TBC1D4: variants seen among roughly 807,000 people sequenced by gnomAD.
The protein encoded by TBC1D4 is TBC (Tre-2, BUB2, CDC16) domain-containing protein.
A neutral mutation model predicts 142.5 loss-of-function variants in TBC1D4; 121 were observed. That is an observed-to-expected ratio of 0.85 (90% confidence interval 0.73 to 0.99). The LOEUF is 0.99. Among genes scored for constraint, TBC1D4 ranks in the 50% least tolerant of loss-of-function variants. TBC1D4 has a pLI of 0.00. For missense variants in TBC1D4, 1,475 were observed against 1,606.6 expected, an observed-to-expected ratio of 0.92 and a Z score of 1.40; for synonymous variants, 630 against 628.2, an observed-to-expected ratio of 1.00 and a Z score of -0.04.
Position 75,359,783 on chromosome 13 carries a change from A to G in TBC1D4, c.1156T>C (p.Ser386Pro). ...TTGATACATACCTGAGAACAAGAGG[A>G]GATATCTTTAAAATTCTTTTCTAGC... is the stretch of plus-strand genomic sequence containing the variant. ...VVLEKNFKDI[S>P]SCSQGIKHVD... The change falls in exon 3 of 21, where the codon TCC becomes CCC. Residue 386 changes from serine to proline, a missense_variant. This residue lies in a region of TBC1D4 where 1,227 missense variants were observed against 1,267.7 expected (regional missense o/e 0.97). Coordinates refer to ENST00000377636, the MANE Select transcript of TBC1D4 (RefSeq NM_014832.5). 1 of 1,611,440 alleles carries G rather than the reference A, an allele frequency of 6.2e-7. No homozygotes were observed. Among genetic ancestry groups the G allele is most frequent in the East Asian group, 2.2e-5 (1 of 44,738 alleles).
intron 1 of TBC1D4, among the ~76,000 whole-genome samples, chr13:75,396,839 T>C (rs1380979866): frequency 6.6e-6 from 1 of 151,946 alleles, no homozygotes; most frequent in African/African-American, 2.4e-5. Flanking sequence ...CTGAAAAAAA[T>C]TATGATTAAA....
At chr13:75,359,977 C>T (rs1347561662) in intron 2 of TBC1D4, 119 bp from the exon 3 acceptor site, 1 of 833,176 alleles carries the variant, frequency 1.2e-6, no homozygotes, top group Non-Finnish European at 2.0e-6. Flanking sequence ...ATATGTATTT[C>T]ATATGTGCTT....
At chr13:75,443,514 C>T (rs1887139812) in intron 1 of TBC1D4, among the ~76,000 whole-genome samples, 1 of 152,160 alleles carries the variant, frequency 6.6e-6, no homozygotes, top group East Asian at 1.9e-4. Flanking sequence ...GATAATAAAA[C>T]ACCTATCAAA....
chr13:75,305,110 T>C (rs1877038177), intron 15 of TBC1D4, among the ~76,000 whole-genome samples: 1 of 152,204 alleles, frequency 6.6e-6, no homozygotes, highest in Non-Finnish European at 1.5e-5. Context: ...TGAAATCTGA[T>C]GGCTTGTTAA....
chr13:75,473,239 G>T (rs897838785), intron 1 of TBC1D4, among the ~76,000 whole-genome samples: 2 of 152,098 alleles, frequency 1.3e-5, no homozygotes, highest in African/African-American at 4.8e-5. Flanking sequence ...GGTCTCAAAT[G>T]ATTTGCTTGC....
chr13:75,381,332 C>T (rs149828648), intron 1 of TBC1D4, among the ~76,000 whole-genome samples: 1 of 152,294 alleles, frequency 6.6e-6, no homozygotes, highest in Non-Finnish European at 1.5e-5. Flanking sequence ...ATAACTGCCA[C>T]TCAGTCATTC....
intron 1 of TBC1D4, among the ~76,000 whole-genome samples, chr13:75,376,867 T>G (rs1304743180): frequency 1.3e-5 from 2 of 152,242 alleles, no homozygotes; most frequent in Non-Finnish European, 2.9e-5. Context: ...TTAATTTCAT[T>G]TCAGCTTACA....
chr13:75,364,553 T>A (rs1273367234), intron 1 of TBC1D4, among the ~76,000 whole-genome samples: 1 of 152,228 alleles, frequency 6.6e-6, no homozygotes, highest in East Asian at 1.9e-4. Context: ...ACTAGCAACC[T>A]CAACCCTTCA....
intron 5 of TBC1D4, among the ~76,000 whole-genome samples, chr13:75,348,202 C>T (rs1038713455): frequency 7.9e-5 from 12 of 152,116 alleles, no homozygotes; most frequent in African/African-American, 2.2e-4. Context: ...AAACATTCAA[C>T]GAATACTGTT....
At position 75,300,790 on chromosome 13, in the gene TBC1D4, T is replaced by G. The variant is rs919546193; in HGVS notation, c.2912-1216A>C. On this transcript the variant is annotated intron_variant, in intron 16 of 20. Transcript: ENST00000377636. The stretch of plus-strand genomic sequence containing the variant: ...ATAGGACATCGTGACTAACCCTGAT[T>G]GTATCATCAATTTATGGTCAGAGAA... Among the ~76,000 whole-genome samples, 6 of 152,202 alleles carry G rather than the reference T, an allele frequency of 3.9e-5. No individual in the cohort carries two copies. In the East Asian group the frequency reaches 5.8e-4, roughly 15 times the overall value.
At chr13:75,382,615 T>G (rs549862090) in intron 1 of TBC1D4, among the ~76,000 whole-genome samples, 2 of 152,224 alleles carry the variant, frequency 1.3e-5, no homozygotes, top group Non-Finnish European at 2.9e-5. Context: ...TGGAAAACTT[T>G]AAAGTATGAC....
intron 8 of TBC1D4, 122 bp from the exon 9 acceptor site, chr13:75,327,948 T>A: frequency 1.0e-6 from 1 of 982,058 alleles, no homozygotes. Flanking sequence ...GTGGTTCACT[T>A]AAATTTGTTG....
intron 1 of TBC1D4, among the ~76,000 whole-genome samples, chr13:75,421,770 A>G (rs1205294377): frequency 6.6e-6 from 1 of 152,240 alleles, no homozygotes; most frequent in Non-Finnish European, 1.5e-5. Context: ...TTTAAAAGTG[A>G]CAACTTTCTT....
chr13:75,320,014 C>T lies in TBC1D4; in HGVS notation c.2222G>A (p.Ser741Asn), dbSNP rs1417473091. ...EIRQDTASES[S>N]DGEGRKRTSS... ...TAAAAATACGTAGACCTCTAATCAC[C>T]TTGATTCTGAAGCAGTGTCTTGTCT... is the stretch of plus-strand genomic sequence containing the variant. Residue 741 changes from serine to asparagine, a missense_variant and splice_region_variant, in exon 12 of 21, where the codon AGT becomes AAT. Ser to Asn is a conservative substitution (Grantham distance 46, BLOSUM62 1). This residue lies in a region of TBC1D4 where 1,227 missense variants were observed against 1,267.7 expected (regional missense o/e 0.97). Coordinates refer to ENST00000377636, the MANE Select transcript of TBC1D4 (RefSeq NM_014832.5). 6.2e-7 allele frequency: 1 copy of T among 1,612,938 alleles called. No homozygotes were observed. The highest frequency in any genetic ancestry group is 8.5e-7 in the Non-Finnish European group (1 of 1,179,444).
At chr13:75,306,944 A>G (rs11148986) in intron 14 of TBC1D4, among the ~76,000 whole-genome samples, 71,428 of 151,946 alleles carry the variant, frequency 0.47, 17,173 homozygotes, top group South Asian at 0.65. Context: ...ATGTGTTCCC[A>G]TGTTCGTTAT....
intron 2 of TBC1D4, 36 bp from the exon 3 acceptor site, chr13:75,359,894 A>G (rs1882361806): frequency 6.6e-7 from 1 of 1,516,374 alleles, no homozygotes; most frequent in Admixed American, 1.7e-5. Context: ...ATTTCAATTC[A>G]TAAGGATCTA....
Position 75,283,895 on chromosome 13 carries a change from G to T in TBC1D4, c.*2897C>A, listed in dbSNP as rs1042629327. ...AAACCATGCAGATCTTTTTTGTTTGGTTGTTTGTTTTTCTTTTTTTTTGTC... is the reference window on the plus strand; with the variant it reads ...AAACCATGCAGATCTTTTTTGTTTGTTTGTTTGTTTTTCTTTTTTTTTGTC... On this transcript the variant is annotated 3_prime_UTR_variant, in exon 21 of 21. Coordinates refer to ENST00000377636, the MANE Select transcript of TBC1D4 (RefSeq NM_014832.5). Among the ~76,000 whole-genome samples the T allele has an allele frequency of 6.6e-6, 1 of 151,866 alleles. No homozygotes were observed. Among genetic ancestry groups the T allele is most frequent in the African/African-American group, 2.4e-5 (1 of 41,368 alleles).
At chr13:75,319,337 G>C (rs541370460) in intron 12 of TBC1D4, among the ~76,000 whole-genome samples, 27 of 152,254 alleles carry the variant, frequency 1.8e-4, no homozygotes, top group African/African-American at 5.8e-4. Flanking sequence ...CATGATAAAA[G>C]CAACATGTAG....
At position 75,359,821 on chromosome 13, in the gene TBC1D4, G is replaced by C. The variant is rs1425528118; in HGVS notation, c.1118C>G (p.Thr373Ser). ...RFEINLISPD[T>S]KSVVLEKNFK... is the part of the protein sequence containing the mutation. ...ATTCTTTTCTAGCACAACTGATTTAGTGTCTGGACTGATAAGGTTAATCTC... is the reference window on the plus strand; with the variant it reads ...ATTCTTTTCTAGCACAACTGATTTACTGTCTGGACTGATAAGGTTAATCTC... Residue 373 changes from threonine (T) to serine (S), a missense_variant, in exon 3 of 21, where the codon ACT becomes AGT. Around this residue, in one of 2 missense-constraint regions of TBC1D4, gnomAD observed 1,227 missense variants for 1,267.7 expected, o/e 0.97. Transcript: ENST00000377636. The C allele has an allele frequency of 6.2e-7, 1 of 1,613,572 alleles. No individual in the cohort carries two copies. Among genetic ancestry groups the C allele is most frequent in the African/African-American group, 1.3e-5 (1 of 74,906 alleles).
Sources: allele counts gnomAD v4.1 joint callset (sites outside exome capture counted in the v4.1 genomes callset), GRCh38; gene constraint gnomAD v4.1.1; regional missense constraint gnomAD v4.1.1; transcripts MANE v1.5; gene names NCBI Gene and HGNC (gene_info 2026-07-23, HGNC 2026-07-21).